MAN1A2: variants seen among roughly 807,000 people sequenced by gnomAD.
The protein encoded by MAN1A2 is mannosyl-oligosaccharide 1,2-alpha-mannosidase IB.
MAN1A2 carries 26 observed loss-of-function variants against 75.7 expected under a neutral mutation model. The observed-to-expected ratio is 0.34, with a 90% CI of 0.25 to 0.48. The LOEUF (loss-of-function observed/expected upper bound fraction) is 0.48, where lower values mean the gene tolerates loss of function less well. Ranked by LOEUF, MAN1A2 falls within the 20% of genes least tolerant of loss-of-function variation. The pLI, the probability that MAN1A2 is intolerant of heterozygous loss-of-function variation, is 0.99. For missense variants in MAN1A2, 562 were observed against 775.5 expected (o/e 0.72, Z 3.27); for synonymous variants, 247 against 264.6 (o/e 0.93, Z 0.65).
intron 1 of MAN1A2, among the ~76,000 whole-genome samples, chr1:117,369,552 G>A (rs1652882163): frequency 1.3e-5 from 2 of 152,140 alleles, no homozygotes; most frequent in Admixed American, 1.3e-4. Context: ...TGTTTTATGA[G>A]AACTGGTTTT....
Position 117,410,598 on chromosome 1 carries a change from T to A in MAN1A2, c.656-4115T>A, listed in dbSNP as rs147320701. On this transcript the variant is annotated intron_variant, in intron 3 of 12. Coordinates refer to ENST00000356554, the MANE Select transcript of MAN1A2 (RefSeq NM_006699.5). ...ACATTGTACTGGAGATCCTAGCCAG[T>A]GCACTAAGGCAGAAAAAAGAAAAAG... Among the ~76,000 whole-genome samples, 929 of 149,302 alleles carry A rather than the reference T, an allele frequency of 6.2e-3. 8 individuals are homozygous for A. Among genetic ancestry groups the A allele is most frequent in the African/African-American group, 0.022 (887 of 40,628 alleles).
At chr1:117,426,301 G>A (rs965124286) in intron 5 of MAN1A2, among the ~76,000 whole-genome samples, 1 of 151,700 alleles carries the variant, frequency 6.6e-6, no homozygotes, top group Non-Finnish European at 1.5e-5. Flanking sequence ...CTTTGTGTGT[G>A]TATGTGTTGG....
At chr1:117,466,083 A>G (rs1283653852) in intron 7 of MAN1A2, among the ~76,000 whole-genome samples, 1 of 152,108 alleles carries the variant, frequency 6.6e-6, no homozygotes, top group Non-Finnish European at 1.5e-5. Flanking sequence ...AATGGTTTCT[A>G]TCTGTGCAGT....
At position 117,455,882 on chromosome 1, in the gene MAN1A2, CAA is replaced by C. The variant is rs1649567270; in HGVS notation, c.951-4603_951-4602del. Among the ~76,000 whole-genome samples, 4 of 151,260 alleles carry C rather than the reference CAA, an allele frequency of 2.6e-5. 1 individual carries two copies. The South Asian group carries it at 8.3e-4, about 31-fold the overall frequency. On this transcript the variant is annotated intron_variant, in intron 6 of 12. Transcript: ENST00000356554. ...CCTCTCAAATTAAATGAAAATGTAA[CAA>C]AAATCAGACTTCATTTTAAAATAAA...
In MAN1A2 at chr1:117,402,174, C is replaced by CT. The variant is rs1359280281; in HGVS notation, c.303-8dup. On this transcript the variant is annotated splice_polypyrimidine_tract_variant and intron_variant, in intron 1 of 12. Transcript: ENST00000356554. Reference sequence around the variant, plus strand: ...GCTCACTGTTACGTTTTATTTCCTTCTTTTCTCACAGGGAAGAGGAAGAAC... The same window carrying CT: ...GCTCACTGTTACGTTTTATTTCCTTCTTTTTCTCACAGGGAAGAGGAAGAAC... 2.5e-6 allele frequency: 4 copies of CT among 1,597,650 alleles called. No homozygotes were observed. The Admixed American group carries it at 7.1e-5, about 28-fold the overall frequency.
At chr1:117,376,888 G>T (rs1653163714) in intron 1 of MAN1A2, among the ~76,000 whole-genome samples, 1 of 152,056 alleles carries the variant, frequency 6.6e-6, no homozygotes, top group Non-Finnish European at 1.5e-5. Context: ...CATTATATTA[G>T]GTATTATAAG....
At chr1:117,421,987 C>T (rs923038215) in intron 5 of MAN1A2, among the ~76,000 whole-genome samples, 6 of 151,932 alleles carry the variant, frequency 3.9e-5, no homozygotes, top group Non-Finnish European at 8.8e-5. Context: ...AACATTGGTT[C>T]TATATTTTGA....
intron 12 of MAN1A2, among the ~76,000 whole-genome samples, chr1:117,510,918 G>A (rs1465984663): frequency 2.0e-5 from 3 of 151,882 alleles, no homozygotes; most frequent in African/African-American, 7.3e-5. Flanking sequence ...CTCTGTCCTT[G>A]CCCTCCTTTA....
intron 1 of MAN1A2, among the ~76,000 whole-genome samples, chr1:117,382,846 C>G (rs964149071): frequency 2.3e-4 from 35 of 152,116 alleles, no homozygotes; most frequent in African/African-American, 8.0e-4. Flanking sequence ...TTTGTATCCT[C>G]TTTTATTAGC....
intron 8 of MAN1A2, among the ~76,000 whole-genome samples, chr1:117,474,698 T>C (rs1231166035): frequency 6.6e-6 from 1 of 152,018 alleles, no homozygotes; most frequent in East Asian, 1.9e-4. Context: ...TTTATTAAGA[T>C]ACAATTTACA....
chr1:117,385,474 A>T (rs1253579000), intron 1 of MAN1A2, among the ~76,000 whole-genome samples: 1 of 152,152 alleles, frequency 6.6e-6, no homozygotes, highest in Non-Finnish European at 1.5e-5. Flanking sequence ...TCTCATCTAC[A>T]CCATATTCAG....
At chr1:117,374,834 C>T (rs1490394276) in intron 1 of MAN1A2, among the ~76,000 whole-genome samples, 1 of 152,122 alleles carries the variant, frequency 6.6e-6, no homozygotes, top group Non-Finnish European at 1.5e-5. Context: ...TTAGTTCATA[C>T]ATCTCAAATA....
chr1:117,412,177 CT>C (rs1479712780), intron 3 of MAN1A2, among the ~76,000 whole-genome samples: 1 of 151,694 alleles, frequency 6.6e-6, no homozygotes, highest in East Asian at 1.9e-4. Context: ...GCGGGTAGCT[CT>C]TTGAAAACTT....
At chr1:117,388,164 C>T (rs547874069) in intron 1 of MAN1A2, among the ~76,000 whole-genome samples, 9 of 148,782 alleles carry the variant, frequency 6.0e-5, no homozygotes, top group Admixed American at 4.7e-4. Context: ...TTGGAGAGGC[C>T]GGACAGAAAG....
intron 1 of MAN1A2, 71 bp downstream of exon 1, chr1:117,368,556 C>T: frequency 1.6e-6 from 2 of 1,228,298 alleles, no homozygotes; most frequent in African/African-American, 1.6e-5. Flanking sequence ...TCGAATCTGT[C>T]TTTTTTTTTT....
chr1:117,516,975 T>G (rs1480058434), intron 12 of MAN1A2, among the ~76,000 whole-genome samples: 1 of 152,136 alleles, frequency 6.6e-6, no homozygotes, highest in Non-Finnish European at 1.5e-5. Flanking sequence ...GGCAGCAGTT[T>G]CTGGCACTCA....
chr1:117,438,138 T>G (rs1429904738), intron 5 of MAN1A2, among the ~76,000 whole-genome samples: 2 of 152,226 alleles, frequency 1.3e-5, no homozygotes, highest in Non-Finnish European at 2.9e-5. Flanking sequence ...TGTTGGTGGT[T>G]GCATGAAATT....
Position 117,523,028 on chromosome 1 carries a change from G to A in MAN1A2, c.*71G>A, listed in dbSNP as rs2101036216. 1 of 1,577,018 alleles carries A rather than the reference G, an allele frequency of 6.3e-7. No homozygotes were observed. ...GACCACTACAGAAATTAGTTTGAAG[G>A]GGCGGCTTTTGAAAACCTGGACCTC... On this transcript the variant is annotated 3_prime_UTR_variant, in exon 13 of 13. Transcript: ENST00000356554.
intron 8 of MAN1A2, among the ~76,000 whole-genome samples, chr1:117,487,947 A>G (rs1376377592): frequency 6.6e-6 from 1 of 152,102 alleles, no homozygotes; most frequent in Non-Finnish European, 1.5e-5. Flanking sequence ...TAAATCCATC[A>G]TACATTACCA....
Sources: gnomAD v4.1 joint callset for allele counts (sites outside exome capture counted in the v4.1 genomes callset) on GRCh38, gnomAD v4.1.1 for gene constraint, MANE v1.5 for transcripts, NCBI Gene and HGNC (gene_info 2026-07-23, HGNC 2026-07-21) for gene names.